Variants in PPP2R5C observed in about 807,000 individuals in gnomAD.
PPP2R5C encodes the protein protein phosphatase 2 regulatory subunit B'gamma.
In PPP2R5C, 7 loss-of-function variants were observed where a neutral mutation model predicts 68.9. That is an observed-to-expected ratio of 0.10 (90% CI 0.06 to 0.19). The LOEUF (loss-of-function observed/expected upper bound fraction) is 0.19, where lower values mean the gene tolerates loss of function less well. Among genes scored for constraint, PPP2R5C ranks in the 10% least tolerant of loss-of-function variants. PPP2R5C has a pLI of 1.00. For synonymous variants in PPP2R5C, 210 were observed against 222.2 expected (o/e 0.95, Z 0.49); for missense variants, 348 against 641.3 (o/e 0.54, Z 4.94).
Position 101,891,535 on chromosome 14 carries a change from AG to A in PPP2R5C, c.689+1241del, listed in dbSNP as rs2044914289. Among the ~76,000 whole-genome samples, 1 of 151,810 alleles carries A rather than the reference AG, an allele frequency of 6.6e-6. No individual in the cohort carries two copies. Among genetic ancestry groups the A allele is most frequent in the Non-Finnish European group, 1.5e-5 (1 of 67,900 alleles). ...AGGCGCATCCTCGCATTTCCCTCCT[AG>A]GTTGTTGCAGGGACCGGAGCGCTGT... On this transcript the variant is annotated intron_variant, in intron 6 of 13. Coordinates refer to ENST00000334743, the Ensembl canonical transcript of PPP2R5C. This position sits in a 1 kb window ranked among gnomAD's most constrained non-coding sequence, Gnocchi z 4.9.
At chr14:101,833,850 G>A (rs1167080087) in intron 1 of PPP2R5C, among the ~76,000 whole-genome samples, 6 of 152,164 alleles carry the variant, frequency 3.9e-5, no homozygotes, top group Non-Finnish European at 8.8e-5. Context: ...CACCCAGGCT[G>A]GAGTGCAGTG....
chr14:101,873,722 A>G, intron 2 of PPP2R5C, among the ~76,000 whole-genome samples: 1 of 152,180 alleles, frequency 6.6e-6, no homozygotes, highest in East Asian at 1.9e-4. Flanking sequence ...CTCTGTGTGC[A>G]GCTGTCTCCC....
chr14:101,831,728 A>T, intron 1 of PPP2R5C: 4 of 702,010 alleles, frequency 5.7e-6, no homozygotes, highest in Non-Finnish European at 5.2e-6. Flanking sequence ...TTCGAGACCT[A>T]TGTATACAGA....
Position 101,901,120 on chromosome 14 carries a change from T to A in PPP2R5C, c.853-599T>A, listed in dbSNP as rs938644143. 1.1e-4 allele frequency among the ~76,000 whole-genome samples: 16 copies of A among 152,372 alleles called. No homozygotes were observed. In the South Asian group the frequency reaches 1.4e-3, roughly 14 times the overall value. On this transcript the variant is annotated intron_variant, in intron 8 of 13. Coordinates refer to ENST00000334743, the Ensembl canonical transcript of PPP2R5C. ...TGTATAAACACATATGGATGGTTGATAAATTTGAGAAAGAAATGGGTTGTG... is the reference window on the plus strand; with the variant it reads ...TGTATAAACACATATGGATGGTTGAAAAATTTGAGAAAGAAATGGGTTGTG...
At chr14:101,761,845 GGGCAGGCGGC>G (rs2036557111), upstream of PPP2R5C, 6 of 1,032,868 alleles carry the variant, frequency 5.8e-6, no homozygotes, top group Non-Finnish European at 5.9e-6. Flanking sequence ...GCTGCTGCGG[GGGCAGGCGGC>G]GGCAGGGGCG....
intron 1 of PPP2R5C, chr14:101,824,268 T>C (rs1392631864): frequency 9.5e-7 from 1 of 1,058,040 alleles, no homozygotes; most frequent in African/African-American, 1.7e-5. Flanking sequence ...TGATATAGCA[T>C]GAAGTTCTTG....
At chr14:101,908,584 G>A (rs2046197750) in intron 10 of PPP2R5C, among the ~76,000 whole-genome samples, 1 of 152,010 alleles carries the variant, frequency 6.6e-6, no homozygotes, top group African/African-American at 2.4e-5. Context: ...ATGTTGGCCA[G>A]GCTGGTCTTG....
intron 2 of PPP2R5C, among the ~76,000 whole-genome samples, chr14:101,764,038 C>CGCGCGGGT (rs140548459): frequency 5.1e-4 from 78 of 152,036 alleles, no homozygotes; most frequent in African/African-American, 1.8e-3. Context: ...TGGGCGCGCG[C>CGCGCGGGT]ACTTGCGCGT....
In PPP2R5C at chr14:101,882,469, A is replaced by C. The variant is rs2044223498; in HGVS notation, c.405+198A>C. The C allele has an allele frequency of 2.2e-6, 1 of 451,190 alleles. No homozygotes were observed. Among genetic ancestry groups the C allele is most frequent in the Middle Eastern group, 4.2e-4 (1 of 2,400 alleles). The allele number at this position is 451,190 out of a possible 1,614,324, so 27.9% of individuals were successfully genotyped here. The stretch of plus-strand genomic sequence containing the variant: ...TGTGTTTGACCACTTTACAACAGCC[A>C]GTGAAGATGTGTAATTGTGAGTATG... On this transcript the variant is annotated intron_variant, in intron 3 of 13. Transcript: ENST00000334743. The surrounding 1 kb of genome is among the most constrained non-coding windows in gnomAD (Gnocchi z 4.9).
rs890458207 is a variant in PPP2R5C at position 101,917,875 on chromosome 14, A to G, written c.1371A>G (p.Ala457=). The G allele has an allele frequency of 1.9e-6, 3 of 1,613,688 alleles. No individual in the cohort carries two copies. The highest frequency in any genetic ancestry group is 1.1e-5 in the South Asian group (1 of 91,082). ...CCAGCACCATGAGCATTCCGGTTGC[A>G]ATGGAGACAGATGGGCCTTTATTTG... The change falls in exon 13 of 14, where the codon GCA becomes GCG. Residue 457 remains alanine (A), a synonymous_variant. Transcript: ENST00000334743. This position sits in a 1 kb window ranked among gnomAD's most constrained non-coding sequence, Gnocchi z 4.4.
chr14:101,788,253 C>T (rs187828069), intron 3 of PPP2R5C, among the ~76,000 whole-genome samples: 4 of 152,338 alleles, frequency 2.6e-5, no homozygotes, highest in African/African-American at 4.8e-5. Flanking sequence ...CCCGCCTCAG[C>T]CAGTGCATGC....
exon 9 of PPP2R5C, chr14:101,901,841 A>T: frequency 6.2e-7 from 1 of 1,614,132 alleles, no homozygotes; most frequent in Non-Finnish European, 8.5e-7. Flanking sequence ...AGATCATGGA[A>T]CCCCTCTTCC....
At chr14:101,901,607 C>T in intron 8 of PPP2R5C, 112 bp from the exon 11 acceptor site, 1 of 1,034,970 alleles carries the variant, frequency 9.7e-7, no homozygotes, top group Non-Finnish European at 1.5e-6. Flanking sequence ...ATGGCACCAT[C>T]TCCGTGTGTT....
chr14:101,836,813 C>T lies in PPP2R5C; in HGVS notation c.95-19873C>T, dbSNP rs145651181. The T allele has an allele frequency of 4.4e-3, 730 of 164,398 alleles. 5 individuals are homozygous for T. The highest frequency in any genetic ancestry group is 0.015 in the African/African-American group (637 of 41,756). The allele number at this position is 164,398 out of a possible 1,614,324, so 10.2% of individuals were successfully genotyped here. A position where few individuals can be genotyped will look rare whatever the true frequency, so the allele number is the denominator to read the frequency against. ...TGCAGTAGAAAAGCAAGGGTCATGA[C>T]GTCAATGCTGGGCAAAGCTAAATTG... On this transcript the variant is annotated intron_variant, in intron 1 of 13. Transcript: ENST00000334743.
At chr14:101,809,481 C>T (rs548975775), upstream of PPP2R5C, among the ~76,000 whole-genome samples, 88 of 149,454 alleles carry the variant, frequency 5.9e-4, no homozygotes, top group African/African-American at 2.0e-3. Flanking sequence ...CGAAGTTGCA[C>T]AGGTGGGTAT....
intron 2 of PPP2R5C, among the ~76,000 whole-genome samples, chr14:101,866,389 T>A (rs558472356): frequency 6.6e-6 from 1 of 152,276 alleles, no homozygotes; most frequent in South Asian, 2.1e-4. Context: ...CTCTACAGAG[T>A]ACGGTGACCC....
intron 1 of PPP2R5C, among the ~76,000 whole-genome samples, chr14:101,848,125 T>C (rs945501820): frequency 1.3e-5 from 2 of 152,152 alleles, no homozygotes; most frequent in Non-Finnish European, 2.9e-5. Flanking sequence ...TTTATATAAA[T>C]AGAAAAAAAT....
chr14:101,775,322 A>C (rs766685318), intron 2 of PPP2R5C, among the ~76,000 whole-genome samples: 2 of 152,114 alleles, frequency 1.3e-5, no homozygotes, highest in Non-Finnish European at 2.9e-5. Flanking sequence ...ATGATAAAAC[A>C]TCTAGGAGAG....
intron 1 of PPP2R5C, among the ~76,000 whole-genome samples, chr14:101,821,444 GGTGGGTGGGTGTGT>G (rs1030497699): frequency 4.6e-5 from 6 of 130,060 alleles, no homozygotes; most frequent in African/African-American, 1.7e-4. Context: ...GTGGGGGGTG[GGTGGGTGGGTGTGT>G]GTGTGTGTGT....
Sources: allele counts gnomAD v4.1 joint callset (sites outside exome capture counted in the v4.1 genomes callset), GRCh38; gene constraint gnomAD v4.1.1; non-coding constraint Gnocchi (gnomAD v3.1); transcripts MANE v1.5; gene names NCBI Gene and HGNC (gene_info 2026-07-23, HGNC 2026-07-21).